Variants in IPCEF1 observed in about 807,000 individuals in gnomAD.
IPCEF1 encodes the protein interactor protein for cytohesin exchange factors 1.
In IPCEF1, 31 loss-of-function variants were observed where a neutral mutation model predicts 50.9. The observed-to-expected ratio is 0.61, with a 90% confidence interval of 0.46 to 0.82. The LOEUF (loss-of-function observed/expected upper bound fraction) is 0.82. IPCEF1 is among the 40% of genes least tolerant of loss of function. IPCEF1 has a pLI of 0.00. For synonymous variants in IPCEF1, 181 were observed against 192.0 expected (o/e 0.94, Z 0.47); for missense variants, 458 against 514.0 (o/e 0.89, Z 1.05).
chr6:154,184,511 G>T (rs1801168728), intron 10 of IPCEF1, among the ~76,000 whole-genome samples: 1 of 151,732 alleles, frequency 6.6e-6, no homozygotes, highest in Non-Finnish European at 1.5e-5. Flanking sequence ...AAGACCAATG[G>T]TATATGTGTG....
At chr6:154,222,111 C>A (rs1247310842) in intron 6 of IPCEF1, among the ~76,000 whole-genome samples, 52 of 152,172 alleles carry the variant, frequency 3.4e-4, no homozygotes, top group Admixed American at 3.4e-3. Flanking sequence ...AGCAACACAT[C>A]AGAAATCTTA....
At chr6:154,180,414 A>ATATTTTT (rs1241250621) in intron 10 of IPCEF1, among the ~76,000 whole-genome samples, 149 of 65,200 alleles carry the variant, frequency 2.3e-3, no homozygotes, top group African/African-American at 4.9e-3. Flanking sequence ...ATATATATAT[A>ATATTTTT]TTTTTTTTTT....
Position 154,317,331 on chromosome 6 carries a change from C to T in IPCEF1, c.-61-27575G>A, listed in dbSNP as rs553857500. On this transcript the variant is annotated intron_variant, in intron 1 of 11. Coordinates refer to ENST00000367220, the MANE Select transcript of IPCEF1 (RefSeq NM_001130700.2). ...TTGGGAGGCCGAGGTGGGTGGATCA[C>T]GAGGTCAGGAGTTCGAGACCAGCCT... 5.3e-5 allele frequency among the ~76,000 whole-genome samples: 8 copies of T among 151,834 alleles called. No homozygotes were observed. The South Asian group carries it at 1.0e-3, about 20-fold the overall frequency.
intron 1 of IPCEF1, among the ~76,000 whole-genome samples, chr6:154,313,931 A>T (rs1783149518): frequency 6.6e-6 from 1 of 151,566 alleles, no homozygotes; most frequent in African/African-American, 2.4e-5. Flanking sequence ...AATTTCTTGT[A>T]CAAATGGGAT....
chr6:154,280,628 C>T (rs947032366), intron 2 of IPCEF1, among the ~76,000 whole-genome samples: 21 of 152,088 alleles, frequency 1.4e-4, no homozygotes, highest in Non-Finnish European at 1.5e-5. Flanking sequence ...AAAGCTAGAT[C>T]ATAGTGTTTA....
intron 10 of IPCEF1, among the ~76,000 whole-genome samples, chr6:154,170,655 A>T (rs1041889837): frequency 6.6e-6 from 1 of 152,254 alleles, no homozygotes; most frequent in African/African-American, 2.4e-5. Context: ...GTGTGCAGAC[A>T]TCAAAAGTGG....
chr6:154,352,417 C>T (rs764999100), intron 1 of IPCEF1, among the ~76,000 whole-genome samples: 5 of 152,158 alleles, frequency 3.3e-5, no homozygotes, highest in Non-Finnish European at 7.3e-5. Flanking sequence ...ACTTAGTTTT[C>T]CTTGACGATC....
chr6:154,171,561 CA>C (rs1799871956), intron 10 of IPCEF1, among the ~76,000 whole-genome samples: 1 of 152,132 alleles, frequency 6.6e-6, no homozygotes, highest in Admixed American at 6.5e-5. Flanking sequence ...GACAGCTGCA[CA>C]ATTCCAAATA....
intron 1 of IPCEF1, among the ~76,000 whole-genome samples, chr6:154,295,911 GCACACACACACACACACA>G: frequency 1.3e-5 from 2 of 150,424 alleles, no homozygotes; most frequent in Admixed American, 1.3e-4. Flanking sequence ...ACACACACAC[GCACACACACACACACACA>G]CACACACTCT....
chr6:154,245,071 T>A (rs1383655541), intron 5 of IPCEF1, among the ~76,000 whole-genome samples: 2 of 152,116 alleles, frequency 1.3e-5, no homozygotes, highest in Non-Finnish European at 2.9e-5. Context: ...CTGTATTTGT[T>A]TAGGAAAACT....
intron 10 of IPCEF1, among the ~76,000 whole-genome samples, chr6:154,184,167 A>G (rs1801136734): frequency 6.6e-6 from 1 of 151,884 alleles, no homozygotes; most frequent in South Asian, 2.1e-4. Context: ...AGTACACTTC[A>G]AATGTTGAGT....
chr6:154,239,772 C>T (rs562219917), intron 5 of IPCEF1, among the ~76,000 whole-genome samples: 2 of 152,314 alleles, frequency 1.3e-5, no homozygotes, highest in South Asian at 2.1e-4. Flanking sequence ...GATGTGATCT[C>T]GGCTAACTGC....
chr6:154,183,815 A>G (rs1383265183), intron 10 of IPCEF1, among the ~76,000 whole-genome samples: 1 of 152,092 alleles, frequency 6.6e-6, no homozygotes, highest in Non-Finnish European at 1.5e-5. Flanking sequence ...ACTTGAACCC[A>G]GGAGGCAGAG....
chr6:154,197,146 T>C (rs116489552), intron 10 of IPCEF1, among the ~76,000 whole-genome samples: 1,924 of 152,300 alleles, frequency 0.013, 32 homozygotes, highest in African/African-American at 0.042. Flanking sequence ...CTATCCCTGA[T>C]ATAAAAACAC....
intron 10 of IPCEF1, among the ~76,000 whole-genome samples, chr6:154,189,774 G>A (rs1801701553): frequency 1.3e-5 from 2 of 151,980 alleles, no homozygotes; most frequent in African/African-American, 4.8e-5. Context: ...TTTGAGTCCA[G>A]CCTGACCAAT....
intron 3 of IPCEF1, among the ~76,000 whole-genome samples, chr6:154,256,376 C>T (rs1345133407): frequency 6.6e-6 from 1 of 152,086 alleles, no homozygotes; most frequent in Non-Finnish European, 1.5e-5. Flanking sequence ...ATTAGGGGTT[C>T]TATGTATAAA....
intron 1 of IPCEF1, among the ~76,000 whole-genome samples, chr6:154,302,064 A>T (rs1330490362): frequency 6.6e-6 from 1 of 152,184 alleles, no homozygotes; most frequent in Admixed American, 6.5e-5. Flanking sequence ...CAAATAAATG[A>T]GATTCAACTA....
chr6:154,289,939 A>G (rs1055317931), intron 1 of IPCEF1, among the ~76,000 whole-genome samples, 183 bp from the exon 2 acceptor site: 1 of 152,152 alleles, frequency 6.6e-6, no homozygotes, highest in African/African-American at 2.4e-5. Flanking sequence ...AGGCAAACAC[A>G]AACAGTTCAG....
At chr6:154,173,798 T>G (rs932409457) in intron 10 of IPCEF1, among the ~76,000 whole-genome samples, 1 of 152,092 alleles carries the variant, frequency 6.6e-6, no homozygotes, top group Non-Finnish European at 1.5e-5. Context: ...CAGGTCAACA[T>G]TCAAATTCAG....
Sources: allele counts gnomAD v4.1 joint callset (sites outside exome capture counted in the v4.1 genomes callset), GRCh38; gene constraint gnomAD v4.1.1; transcripts MANE v1.5; gene names NCBI Gene and HGNC (gene_info 2026-07-23, HGNC 2026-07-21).